CA10: variants seen among roughly 807,000 people sequenced by gnomAD.
The protein encoded by CA10 is carbonic anhydrase 10 (inactive).
CA10 carries 14 observed loss-of-function variants against 44.2 expected under a neutral mutation model. That is an observed-to-expected ratio of 0.32 (90% confidence interval 0.21 to 0.50). The LOEUF is 0.50. Ranked by LOEUF, CA10 falls within the 20% of genes least tolerant of loss-of-function variation. CA10 has a pLI of 0.99. For missense variants in CA10, 350 were observed against 409.7 expected (o/e 0.85, Z 1.26); for synonymous variants, 159 against 141.6 (o/e 1.12, Z -0.87).
chr17:51,807,911 T>C (rs141720967), intron 3 of CA10, among the ~76,000 whole-genome samples: 10 of 152,198 alleles, frequency 6.6e-5, no homozygotes, highest in Non-Finnish European at 1.5e-4. Flanking sequence ...TGTCTGGATC[T>C]GGTGGAGGTA....
chr17:51,809,025 A>G (rs989144263), intron 3 of CA10, among the ~76,000 whole-genome samples: 7 of 152,172 alleles, frequency 4.6e-5, no homozygotes, highest in African/African-American at 1.7e-4. Flanking sequence ...GCTTTAAATC[A>G]GTAAACTGAA....
chr17:51,861,416 T>G (rs967864653), intron 3 of CA10, among the ~76,000 whole-genome samples: 1 of 152,068 alleles, frequency 6.6e-6, no homozygotes, highest in Admixed American at 6.6e-5. Context: ...AAGATGTACA[T>G]ACAGCAAGTA....
chr17:51,848,953 G>A (rs922404938), intron 3 of CA10, among the ~76,000 whole-genome samples: 1 of 151,662 alleles, frequency 6.6e-6, no homozygotes, highest in Non-Finnish European at 1.5e-5. Context: ...CACTGAAGCA[G>A]GGGGACTTCT....
chr17:51,768,160 G>C (rs1295506193), intron 3 of CA10, among the ~76,000 whole-genome samples: 1 of 146,318 alleles, frequency 6.8e-6, no homozygotes, highest in Non-Finnish European at 1.5e-5. Flanking sequence ...TCCACATAAA[G>C]ATGTGCTTTT....
intron 3 of CA10, among the ~76,000 whole-genome samples, chr17:51,912,408 T>C (rs1981825711): frequency 6.6e-6 from 1 of 152,168 alleles, no homozygotes; most frequent in Non-Finnish European, 1.5e-5. Context: ...GTGCATTCCT[T>C]GTTTTCATGC....
chr17:51,805,669 G>A (rs1314898963), intron 3 of CA10, among the ~76,000 whole-genome samples: 2 of 152,196 alleles, frequency 1.3e-5, no homozygotes, highest in Non-Finnish European at 2.9e-5. Flanking sequence ...CAATTCGACA[G>A]TTTTTAGTAA....
chr17:51,748,779 C>A lies in CA10; in HGVS notation c.280-961G>T, dbSNP rs1301481853. On this transcript the variant is annotated intron_variant, in intron 3 of 8. Coordinates refer to ENST00000451037, the MANE Select transcript of CA10 (RefSeq NM_020178.5). ...GTGATTCCTGAAGGGCTTCCTGTAC[C>A]TTCTGACACCTTCATTAGATGTGGT... Among the ~76,000 whole-genome samples the A allele has an allele frequency of 2.0e-5, 3 of 152,194 alleles. No individual in the cohort carries two copies. The East Asian group carries it at 5.8e-4, about 29-fold the overall frequency.
chr17:51,925,211 T>C (rs1982378370), intron 3 of CA10, among the ~76,000 whole-genome samples: 1 of 152,164 alleles, frequency 6.6e-6, no homozygotes, highest in Non-Finnish European at 1.5e-5. Context: ...CTTATATTCC[T>C]GACTGTGCCA....
intron 1 of CA10, among the ~76,000 whole-genome samples, chr17:52,122,687 G>A (rs910944632): frequency 7.2e-5 from 11 of 152,048 alleles, no homozygotes; most frequent in Non-Finnish European, 1.6e-4. Context: ...CAGAGGCCCC[G>A]GAATTAGTAC....
chr17:52,067,407 A>G (rs189611021), intron 2 of CA10, among the ~76,000 whole-genome samples: 1 of 152,242 alleles, frequency 6.6e-6, no homozygotes, highest in Admixed American at 6.5e-5. Context: ...CAGATTTTGG[A>G]TGACGTAGGG....
At chr17:51,922,938 C>A (rs529505146) in intron 3 of CA10, among the ~76,000 whole-genome samples, 1 of 152,206 alleles carries the variant, frequency 6.6e-6, no homozygotes, top group Admixed American at 6.5e-5. Context: ...TAACCAGACC[C>A]CTATCACTTT....
chr17:51,850,490 A>C (rs1978745386), intron 3 of CA10, among the ~76,000 whole-genome samples: 1 of 152,178 alleles, frequency 6.6e-6, no homozygotes, highest in Non-Finnish European at 1.5e-5. Flanking sequence ...GACCACTTGC[A>C]AGGGGTGAGG....
At position 51,920,909 on chromosome 17, in the gene CA10, T is replaced by C. The variant is rs568636305; in HGVS notation, c.279+10081A>G. On this transcript the variant is annotated intron_variant, in intron 3 of 8. Coordinates refer to ENST00000451037, the MANE Select transcript of CA10 (RefSeq NM_020178.5). The stretch of plus-strand genomic sequence containing the variant: ...CTTGATCTCATTTTAAAATCTGTAA[T>C]CAAAATCCTCTTTTATAACATTCAT... Among the ~76,000 whole-genome samples, 10 of 152,318 alleles carry C rather than the reference T, an allele frequency of 6.6e-5. No homozygotes were observed. The South Asian group carries it at 2.1e-3, about 32-fold the overall frequency.
chr17:51,942,918 C>T (rs1983138555), intron 2 of CA10, among the ~76,000 whole-genome samples: 1 of 152,074 alleles, frequency 6.6e-6, no homozygotes, highest in Non-Finnish European at 1.5e-5. Flanking sequence ...TCAACAACTA[C>T]TTATTGAGTG....
chr17:51,748,216 A>C (rs1448499621), intron 3 of CA10, among the ~76,000 whole-genome samples: 1 of 152,208 alleles, frequency 6.6e-6, no homozygotes, highest in Non-Finnish European at 1.5e-5. Flanking sequence ...AGATATTAAG[A>C]AGGCCAAATG....
chr17:52,089,092 T>TG (rs1988194441), intron 1 of CA10, among the ~76,000 whole-genome samples: 1 of 152,206 alleles, frequency 6.6e-6, no homozygotes, highest in African/African-American at 2.4e-5. Flanking sequence ...TTTCAAAAGA[T>TG]GGGCAAAACC....
intron 4 of CA10, among the ~76,000 whole-genome samples, chr17:51,704,979 AG>A (rs1915719013): frequency 6.6e-6 from 1 of 151,536 alleles, no homozygotes; most frequent in African/African-American, 2.4e-5. Flanking sequence ...AAAAAAAAAA[AG>A]AAAAAGAAAA....
Position 51,732,242 on chromosome 17 carries a change from T to A in CA10, c.465+15391A>T, listed in dbSNP as rs1916746844. ...TTAGCAGCCAGGAAGATGAGTCACATGGCTGTGATGTGCCACTGAGTCCCT... is the reference window on the plus strand; with the variant it reads ...TTAGCAGCCAGGAAGATGAGTCACAAGGCTGTGATGTGCCACTGAGTCCCT... On this transcript the variant is annotated intron_variant, in intron 4 of 8. Transcript: ENST00000451037. Among the ~76,000 whole-genome samples, 5 of 152,340 alleles carry A rather than the reference T, an allele frequency of 3.3e-5. No homozygotes were observed. In the South Asian group the frequency reaches 1.0e-3, roughly 32 times the overall value.
intron 1 of CA10, among the ~76,000 whole-genome samples, chr17:52,139,837 T>C (rs532543790): frequency 1.1e-4 from 17 of 152,234 alleles, no homozygotes; most frequent in Admixed American, 1.0e-3. Flanking sequence ...AGATAATAAA[T>C]GGACAGCACT....
Sources: gnomAD v4.1 joint callset for allele counts (sites outside exome capture counted in the v4.1 genomes callset) on GRCh38, gnomAD v4.1.1 for gene constraint, MANE v1.5 for transcripts, NCBI Gene and HGNC (gene_info 2026-07-23, HGNC 2026-07-21) for gene names.